Variants in UBE3D observed in about 807,000 individuals in gnomAD.
UBE3D encodes the protein E3 ubiquitin-protein ligase E3D.
In UBE3D, 48 loss-of-function variants were observed where a neutral mutation model predicts 49.6. That is an observed-to-expected ratio of 0.97 (90% confidence interval 0.77 to 1.23). The LOEUF is 1.23. Among genes scored for constraint, UBE3D ranks in the 50% most tolerant of loss-of-function variants. The pLI is 0.00. For missense variants in UBE3D, 452 were observed against 468.4 expected (o/e 0.96, Z 0.32); for synonymous variants, 189 against 174.2 (o/e 1.08, Z -0.67).
intron 9 of UBE3D, among the ~76,000 whole-genome samples, chr6:82,937,613 T>G (rs558892133): frequency 1.3e-5 from 2 of 152,206 alleles, no homozygotes; most frequent in African/African-American, 2.4e-5. Context: ...TAACTATACT[T>G]ATAAGTAAAA....
intron 2 of UBE3D, among the ~76,000 whole-genome samples, chr6:83,054,886 T>A (rs1476267051): frequency 6.6e-6 from 1 of 152,174 alleles, no homozygotes; most frequent in Non-Finnish European, 1.5e-5. Context: ...CCTGACCTCG[T>A]AATCCCCTTG....
chr6:83,062,902 A>G (rs1286473220), intron 1 of UBE3D, among the ~76,000 whole-genome samples: 1 of 152,178 alleles, frequency 6.6e-6, no homozygotes, highest in Non-Finnish European at 1.5e-5. Context: ...TTTGATCCCT[A>G]CTTCACTGCA....
chr6:82,968,133 C>T (rs538840983), intron 8 of UBE3D, among the ~76,000 whole-genome samples: 2 of 152,066 alleles, frequency 1.3e-5, no homozygotes, highest in Non-Finnish European at 2.9e-5. Flanking sequence ...GGATAAAAGG[C>T]CCCAAAATGC....
chr6:82,884,121 G>C, the UBE3D span, among the ~76,000 whole-genome samples: 1 of 152,172 alleles, frequency 6.6e-6, no homozygotes. Context: ...CTTTCAATTA[G>C]AAACTATAAT....
intron 9 of UBE3D, among the ~76,000 whole-genome samples, chr6:82,895,523 A>G (rs1435454519): frequency 6.6e-6 from 1 of 152,188 alleles, no homozygotes; most frequent in East Asian, 1.9e-4. Context: ...ACAAAGAATT[A>G]TCAGCTAGCC....
chr6:82,943,986 C>G (rs1165541539), intron 9 of UBE3D, among the ~76,000 whole-genome samples: 1 of 152,056 alleles, frequency 6.6e-6, no homozygotes, highest in African/African-American at 2.4e-5. Flanking sequence ...TGAGTTCAGT[C>G]AAGCTTTGTT....
At chr6:83,041,942 G>A (rs975149595) in intron 4 of UBE3D, among the ~76,000 whole-genome samples, 6 of 151,616 alleles carry the variant, frequency 4.0e-5, no homozygotes. Flanking sequence ...ACAGTGTCTC[G>A]CTCTGTCACC....
intron 4 of UBE3D, among the ~76,000 whole-genome samples, chr6:83,039,557 CA>C (rs1181652849): frequency 2.0e-5 from 3 of 152,112 alleles, no homozygotes; most frequent in Non-Finnish European, 2.9e-5. Context: ...AAGTGTTTTC[CA>C]AACAACAGCT....
chr6:83,015,426 T>A (rs1460417879), intron 8 of UBE3D, among the ~76,000 whole-genome samples: 1 of 152,118 alleles, frequency 6.6e-6, no homozygotes, highest in Non-Finnish European at 1.5e-5. Flanking sequence ...AAATAAACTA[T>A]TAGAACCTTT....
intron 9 of UBE3D, among the ~76,000 whole-genome samples, chr6:82,948,415 T>C (rs575656164): frequency 1.3e-5 from 2 of 151,978 alleles, no homozygotes; most frequent in South Asian, 4.1e-4. Context: ...ATGGCTTCAC[T>C]GCCAAATTCT....
intron 3 of UBE3D, among the ~76,000 whole-genome samples, chr6:83,045,391 A>C (rs1157857355): frequency 6.6e-6 from 1 of 152,106 alleles, no homozygotes; most frequent in Non-Finnish European, 1.5e-5. Flanking sequence ...TACTGGTGAG[A>C]TTCATCTAGT....
intron 9 of UBE3D, among the ~76,000 whole-genome samples, chr6:82,894,406 T>C (rs1238738478): frequency 1.3e-5 from 2 of 152,152 alleles, no homozygotes; most frequent in Non-Finnish European, 2.9e-5. Flanking sequence ...CGCCTGATCA[T>C]AGGAACATCT....
intron 5 of UBE3D, among the ~76,000 whole-genome samples, chr6:83,028,494 C>T (rs1461506802): frequency 6.6e-6 from 1 of 152,122 alleles, no homozygotes; most frequent in African/African-American, 2.4e-5. Flanking sequence ...GTTCTATTTC[C>T]AATTCACCCT....
chr6:83,057,812 C>A lies in UBE3D; in HGVS notation c.274+14G>T. ...AAAGGTAAATACAGCAGCAGAAGTG[C>A]TAATATTACTCACTTGTGCCTAATT... On this transcript the variant is annotated intron_variant, in intron 2 of 9. Transcript: ENST00000369747. The A allele has an allele frequency of 6.2e-7, 1 of 1,612,318 alleles. No individual in the cohort carries two copies. Among genetic ancestry groups the A allele is most frequent in the East Asian group, 2.2e-5 (1 of 44,872 alleles).
At chr6:83,015,739 A>G (rs1780655223) in intron 8 of UBE3D, among the ~76,000 whole-genome samples, 1 of 152,146 alleles carries the variant, frequency 6.6e-6, no homozygotes, top group Non-Finnish European at 1.5e-5. Flanking sequence ...TCCTGAGAAG[A>G]ATCAACATTA....
At chr6:82,926,060 A>G (rs192193982) in intron 9 of UBE3D, among the ~76,000 whole-genome samples, 531 of 152,238 alleles carry the variant, frequency 3.5e-3, no homozygotes, top group Non-Finnish European at 6.2e-3. Context: ...TGATCTAATG[A>G]TCATCTTTCA....
At chr6:82,978,046 C>T (rs1392391491) in intron 8 of UBE3D, among the ~76,000 whole-genome samples, 1 of 152,018 alleles carries the variant, frequency 6.6e-6, no homozygotes, top group African/African-American at 2.4e-5. Flanking sequence ...CAACCTCTCT[C>T]TCATGCCCCA....
intron 9 of UBE3D, among the ~76,000 whole-genome samples, chr6:82,954,579 G>T (rs1366244774): frequency 6.6e-6 from 1 of 152,104 alleles, no homozygotes; most frequent in Non-Finnish European, 1.5e-5. Flanking sequence ...AAAAGTAAGA[G>T]AATTGGAAAT....
intron 8 of UBE3D, among the ~76,000 whole-genome samples, chr6:82,964,175 T>C (rs771289669): frequency 4.6e-5 from 7 of 152,122 alleles, no homozygotes; most frequent in Non-Finnish European, 8.8e-5. Context: ...CTACGGCCTA[T>C]CTATTTTCAA....
Sources: gnomAD v4.1 joint callset for allele counts (sites outside exome capture counted in the v4.1 genomes callset) on GRCh38, gnomAD v4.1.1 for gene constraint, MANE v1.5 for transcripts, NCBI Gene and HGNC (gene_info 2026-07-23, HGNC 2026-07-21) for gene names.